The following CSMD2 variants were observed in gnomAD, a reference collection of about 807,000 sequenced individuals.
CSMD2 encodes the protein CUB and Sushi multiple domains 2.
CSMD2 carries 130 observed loss-of-function variants against 398.5 expected under a neutral mutation model. The ratio of observed to expected loss-of-function variants is 0.33; its 90% CI spans 0.28 to 0.38. CSMD2 has a LOEUF of 0.38. CSMD2 is among the 10% of genes least tolerant of loss of function. The pLI is 1.00. For missense variants in CSMD2, 3,829 were observed against 4,764.9 expected (o/e 0.80, Z 5.78); for synonymous variants, 1,828 against 1,908.5 (o/e 0.96, Z 1.10).
At chr1:33,571,942 A>G (rs1659634327) in intron 50 of CSMD2, among the ~76,000 whole-genome samples, 1 of 152,192 alleles carries the variant, frequency 6.6e-6, no homozygotes, top group African/African-American at 2.4e-5. Context: ...AAAAATTAAA[A>G]AAGGGAAATA....
Position 33,542,804 on chromosome 1 carries a change from G to A in CSMD2, c.9193C>T (p.Arg3065Trp), listed in dbSNP as rs544965728. The change falls in exon 58 of 71, where the codon CGG becomes TGG. Residue 3065 changes from arginine (R) to tryptophan (W), a missense_variant. Around this residue, in one of 5 missense-constraint regions of CSMD2, gnomAD observed 917 missense variants for 1,199.5 expected, o/e 0.76. Coordinates refer to ENST00000373381, the MANE Select transcript of CSMD2 (RefSeq NM_001281956.2). ...AGGCCTGTGGCGTAGTATCCTTCCCGGCACTCATAGACGATAGAGCTGGAG... is the reference window on the plus strand; with the variant it reads ...AGGCCTGTGGCGTAGTATCCTTCCCAGCACTCATAGACGATAGAGCTGGAG... ...VFSSSIVYEC[R>W]EGYYATGLLS... 7.4e-6 allele frequency: 12 copies of A among 1,614,112 alleles called. No individual in the cohort carries two copies. The highest frequency in any genetic ancestry group is 1.7e-4 in the Middle Eastern group (1 of 6,060).
chr1:33,925,683 C>T lies in CSMD2; in HGVS notation c.713-7382G>A, dbSNP rs1372203778. Among the ~76,000 whole-genome samples the T allele has an allele frequency of 2.0e-5, 3 of 152,102 alleles. No homozygotes were observed. In the East Asian group the frequency reaches 5.8e-4, roughly 29 times the overall value. On this transcript the variant is annotated intron_variant, in intron 4 of 70. Coordinates refer to ENST00000373381, the MANE Select transcript of CSMD2 (RefSeq NM_001281956.2). ...CCAGAGTAATACGGGAAACCATGGGCCTGATTACACCACTCTCTCTGTTGG... is the reference window on the plus strand; with the variant it reads ...CCAGAGTAATACGGGAAACCATGGGTCTGATTACACCACTCTCTCTGTTGG...
intron 55 of CSMD2, among the ~76,000 whole-genome samples, chr1:33,551,782 T>C (rs900684138): frequency 6.6e-6 from 1 of 152,222 alleles, no homozygotes; most frequent in Non-Finnish European, 1.5e-5. Flanking sequence ...TGTGACTTGC[T>C]TTGAATAACA....
intron 5 of CSMD2, among the ~76,000 whole-genome samples, chr1:33,867,681 A>G (rs1340377867): frequency 9.2e-5 from 14 of 152,176 alleles, no homozygotes; most frequent in South Asian, 2.1e-4. Flanking sequence ...TTTGTTACCA[A>G]TCTCTTGTTA....
At chr1:33,600,817 T>C (rs751689224) in intron 44 of CSMD2, 48 bp downstream of exon 44, 10 of 1,603,666 alleles carry the variant, frequency 6.2e-6, no homozygotes, top group Non-Finnish European at 8.5e-6. Flanking sequence ...AGCTCAGCCT[T>C]GACTTGAAAG....
chr1:34,017,637 T>C (rs752980727), intron 3 of CSMD2, among the ~76,000 whole-genome samples: 3 of 152,178 alleles, frequency 2.0e-5, no homozygotes, highest in Non-Finnish European at 2.9e-5. Context: ...TAGTTCCAGC[T>C]ACTCAGTAGT....
At chr1:33,935,282 G>T (rs184362756) in intron 4 of CSMD2, among the ~76,000 whole-genome samples, 3 of 152,076 alleles carry the variant, frequency 2.0e-5, no homozygotes, top group Non-Finnish European at 4.4e-5. Flanking sequence ...GGAGGGGGTT[G>T]TTGGAGTAAA....
At chr1:33,661,891 G>A (rs1644147963) in intron 26 of CSMD2, among the ~76,000 whole-genome samples, 1 of 152,240 alleles carries the variant, frequency 6.6e-6, no homozygotes, top group Admixed American at 6.5e-5. Flanking sequence ...CGGCACAGGT[G>A]CCACAAGAAA....
chr1:34,020,635 G>A (rs1570836392), intron 3 of CSMD2, among the ~76,000 whole-genome samples: 1 of 152,136 alleles, frequency 6.6e-6, no homozygotes, highest in East Asian at 1.9e-4. Flanking sequence ...GGTGGAGAGT[G>A]TGGGCTTTGG....
intron 32 of CSMD2, among the ~76,000 whole-genome samples, chr1:33,629,288 G>A (rs937948146): frequency 6.6e-6 from 1 of 152,148 alleles, no homozygotes; most frequent in Non-Finnish European, 1.5e-5. Flanking sequence ...TTGAAAATTA[G>A]AGATGGGTCA....
chr1:33,550,174 T>C lies in CSMD2; in HGVS notation c.8917+3A>G, dbSNP rs966904225. The C allele has an allele frequency of 1.9e-6, 3 of 1,613,314 alleles. No homozygotes were observed. The highest frequency in any genetic ancestry group is 1.7e-6 in the Non-Finnish European group (2 of 1,179,692). ...GCTCTTTCCTCAATGCCATGCACCA[T>C]ACCTGAGCAGTGAGGGAGGGAGCCA... is the stretch of plus-strand genomic sequence containing the variant. On this transcript the variant is annotated splice_donor_region_variant and intron_variant, in intron 56 of 70. Coordinates refer to ENST00000373381, the MANE Select transcript of CSMD2 (RefSeq NM_001281956.2).
chr1:34,048,836 A>C, intron 2 of CSMD2, among the ~76,000 whole-genome samples: 1 of 152,164 alleles, frequency 6.6e-6, no homozygotes, highest in East Asian at 1.9e-4. Flanking sequence ...TTGGCCATGA[A>C]GTGGGAGAAT....
chr1:33,524,663 T>C (rs1288377330), intron 66 of CSMD2, among the ~76,000 whole-genome samples: 1 of 152,180 alleles, frequency 6.6e-6, no homozygotes, highest in African/African-American at 2.4e-5. Flanking sequence ...TTCATAAGAG[T>C]TCTTTATGTA....
At chr1:33,622,482 C>T (rs868809914) in intron 36 of CSMD2, among the ~76,000 whole-genome samples, 2 of 152,286 alleles carry the variant, frequency 1.3e-5, no homozygotes, top group Middle Eastern at 3.4e-3. Context: ...CAATCTGCTT[C>T]CTGTAAGATG....
chr1:33,812,243 G>C (rs1323799299), intron 9 of CSMD2, among the ~76,000 whole-genome samples: 1 of 152,156 alleles, frequency 6.6e-6, no homozygotes, highest in Non-Finnish European at 1.5e-5. Flanking sequence ...GGAGCAGGTG[G>C]AAAAACATTC....
At chr1:33,945,244 A>C (rs1245724360) in intron 3 of CSMD2, among the ~76,000 whole-genome samples, 3 of 152,166 alleles carry the variant, frequency 2.0e-5, no homozygotes, top group African/African-American at 7.2e-5. Context: ...AGTTCAGAAA[A>C]ACACAAACCC....
chr1:33,633,408 C>A lies in CSMD2; in HGVS notation c.5200+14G>T. On this transcript the variant is annotated intron_variant, in intron 32 of 70. Transcript: ENST00000373381. This position sits in a 1 kb window ranked among gnomAD's most constrained non-coding sequence, Gnocchi z 5.0. ...GGCCCACAACCATCCCCACACTGGC[C>A]GAGCCCCGGATACCTGTATGGGAGC... 1.3e-6 allele frequency: 2 copies of A among 1,543,510 alleles called. No homozygotes were observed. Among genetic ancestry groups the A allele is most frequent in the Non-Finnish European group, 1.8e-6 (2 of 1,140,610 alleles).
intron 42 of CSMD2, among the ~76,000 whole-genome samples, chr1:33,604,237 C>A (rs1180543752): frequency 6.6e-6 from 1 of 152,188 alleles, no homozygotes; most frequent in Non-Finnish European, 1.5e-5. Flanking sequence ...TGTTGCACAG[C>A]ACGTGATGGG....
At chr1:33,992,169 C>T (rs1193975359) in intron 3 of CSMD2, among the ~76,000 whole-genome samples, 2 of 152,168 alleles carry the variant, frequency 1.3e-5, no homozygotes, top group African/African-American at 4.8e-5. Context: ...AACAAAATTA[C>T]AGCCCACATA....
Sources: allele counts gnomAD v4.1 joint callset (sites outside exome capture counted in the v4.1 genomes callset), GRCh38; gene constraint gnomAD v4.1.1; regional missense constraint gnomAD v4.1.1; non-coding constraint Gnocchi (gnomAD v3.1); transcripts MANE v1.5; gene names NCBI Gene and HGNC (gene_info 2026-07-23, HGNC 2026-07-21).